ENTREP2: variants seen among roughly 807,000 people sequenced by gnomAD.
ENTREP2 encodes the protein endosomal transmembrane epsin interactor 2.
the ENTREP2 span, among the ~76,000 whole-genome samples, chr15:29,558,975 T>C: frequency 6.6e-6 from 1 of 152,050 alleles, no homozygotes; most frequent in Non-Finnish European, 1.5e-5. Context: ...AATATGAGGC[T>C]ATTAGTAGTT....
chr15:29,673,560 G>A, the ENTREP2 span, among the ~76,000 whole-genome samples: 2 of 152,152 alleles, frequency 1.3e-5, no homozygotes. Context: ...CTGATCTTAG[G>A]CCTTACCATA....
the ENTREP2 span, among the ~76,000 whole-genome samples, chr15:29,597,086 C>CAA: frequency 1.4e-4 from 20 of 143,908 alleles, no homozygotes; most frequent in African/African-American, 4.9e-4. Context: ...ATCACTCATA[C>CAA]AAAAAAAAAA....
the ENTREP2 span, among the ~76,000 whole-genome samples, chr15:29,231,682 T>G: frequency 6.6e-6 from 1 of 152,216 alleles, no homozygotes; most frequent in African/African-American, 2.4e-5. Context: ...TTGCCTTAAT[T>G]ATTCTTCATT....
the ENTREP2 span, among the ~76,000 whole-genome samples, chr15:29,335,450 G>A: frequency 6.6e-6 from 1 of 152,120 alleles, no homozygotes; most frequent in African/African-American, 2.4e-5. Flanking sequence ...GAATCAAATG[G>A]AGACTTAGTC....
the ENTREP2 span, among the ~76,000 whole-genome samples, chr15:29,616,937 G>A: frequency 6.6e-6 from 1 of 152,312 alleles, no homozygotes; most frequent in Middle Eastern, 3.4e-3. Context: ...GCACATGCCT[G>A]TAATCTCAGC....
chr15:29,306,712 TAG>T, the ENTREP2 span, among the ~76,000 whole-genome samples: 1 of 117,640 alleles, frequency 8.5e-6, no homozygotes, highest in Admixed American at 1.1e-4. Flanking sequence ...TTTTTGGAGA[TAG>T]AGTCTTGCTC....
chr15:29,411,813 T>C, the ENTREP2 span, among the ~76,000 whole-genome samples: 1 of 152,220 alleles, frequency 6.6e-6, no homozygotes, highest in African/African-American at 2.4e-5. Flanking sequence ...CACCTGACAC[T>C]GATTCTCTTG....
At chr15:29,625,074 A>G in the ENTREP2 span, among the ~76,000 whole-genome samples, 14 of 151,928 alleles carry the variant, frequency 9.2e-5, no homozygotes, top group African/African-American at 3.4e-4. Context: ...CTCTATCTCT[A>G]TAGTTTTGTC....
chr15:29,159,041 G>A, the ENTREP2 span, among the ~76,000 whole-genome samples: 415 of 152,312 alleles, frequency 2.7e-3, 1 homozygote, highest in Non-Finnish European at 4.0e-3. Context: ...GACATTGAGC[G>A]GGTCGTGGTA....
chr15:29,292,656 C>A, the ENTREP2 span, among the ~76,000 whole-genome samples: 357 of 152,322 alleles, frequency 2.3e-3, 2 homozygotes, highest in African/African-American at 8.0e-3. Flanking sequence ...GCTGGGATTA[C>A]AAGCATGAGC....
At chr15:29,187,420 C>T in the ENTREP2 span, among the ~76,000 whole-genome samples, 12 of 152,226 alleles carry the variant, frequency 7.9e-5, no homozygotes, top group African/African-American at 2.9e-4. Context: ...GGATTACAGG[C>T]GTGTGCCACC....
At chr15:29,463,432 C>A in the ENTREP2 span, among the ~76,000 whole-genome samples, 1 of 152,198 alleles carries the variant, frequency 6.6e-6, no homozygotes, top group African/African-American at 2.4e-5. Flanking sequence ...CATGTGGCTG[C>A]ACAATTATAC....
chr15:29,284,637 A>G, the ENTREP2 span, among the ~76,000 whole-genome samples: 24 of 152,260 alleles, frequency 1.6e-4, no homozygotes, highest in African/African-American at 5.5e-4. Flanking sequence ...GTAATAGATC[A>G]TGGGCTAACA....
At chr15:29,249,418 C>T in the ENTREP2 span, among the ~76,000 whole-genome samples, 1 of 152,146 alleles carries the variant, frequency 6.6e-6, no homozygotes, top group Admixed American at 6.5e-5. Flanking sequence ...TGTATACATA[C>T]ATGCATGCAT....
At chr15:29,356,294 ATATTTTTTTTT>A in the ENTREP2 span, among the ~76,000 whole-genome samples, 942 of 48,040 alleles carry the variant, frequency 0.02, 4 homozygotes, top group African/African-American at 0.079. Flanking sequence ...ATATATATAT[ATATTTTTTTTT>A]TTTTTTTTTT....
At chr15:29,426,891 G>A in the ENTREP2 span, among the ~76,000 whole-genome samples, 1 of 152,106 alleles carries the variant, frequency 6.6e-6, no homozygotes, top group Non-Finnish European at 1.5e-5. Context: ...CAAAGCTTGG[G>A]GCAGTGCATT....
the ENTREP2 span, among the ~76,000 whole-genome samples, chr15:29,408,788 C>T: frequency 6.6e-6 from 1 of 152,010 alleles, no homozygotes; most frequent in Non-Finnish European, 1.5e-5. Flanking sequence ...TAGAAAAGTA[C>T]AAAAATAAGA....
the ENTREP2 span, among the ~76,000 whole-genome samples, chr15:29,303,170 C>A: frequency 6.6e-6 from 1 of 152,220 alleles, no homozygotes; most frequent in South Asian, 2.1e-4. Context: ...GGGCTGCTGG[C>A]ACCTGCTGTA....
the ENTREP2 span, among the ~76,000 whole-genome samples, chr15:29,271,715 A>C: frequency 5.9e-3 from 892 of 152,130 alleles, 4 homozygotes; most frequent in Non-Finnish European, 7.9e-3. Flanking sequence ...TAAAATCTTT[A>C]GTGTTGTGAG....
Sources: allele counts gnomAD v4.1 joint callset (sites outside exome capture counted in the v4.1 genomes callset), GRCh38; gene constraint gnomAD v4.1.1; transcripts MANE v1.5; gene names NCBI Gene and HGNC (gene_info 2026-07-23, HGNC 2026-07-21).